Variants in PTBP3 observed in about 807,000 individuals in gnomAD.
PTBP3 encodes polypyrimidine tract-binding protein 3.
A neutral mutation model predicts 58.7 loss-of-function variants in PTBP3; 20 were observed. That is an observed-to-expected ratio of 0.34 (90% CI 0.24 to 0.50). The LOEUF (loss-of-function observed/expected upper bound fraction) is 0.50. Among genes scored for constraint, PTBP3 ranks in the 20% least tolerant of loss-of-function variants. The pLI, the probability that PTBP3 is intolerant of heterozygous loss-of-function variation, is 0.98. For missense variants in PTBP3, 509 were observed against 637.2 expected (o/e 0.80, Z 2.17); for synonymous variants, 185 against 219.8 (o/e 0.84, Z 1.40).
rs1293298603 is a variant in PTBP3, at chr9:112,220,731, AAT to A, written c.*3118_*3119del. The stretch of plus-strand genomic sequence containing the variant: ...ACAAAACACATTTTACTGCTATGCA[AAT>A]TATTCAAATCTCAAAGTAAATCATT... On this transcript the variant is annotated 3_prime_UTR_variant, in exon 14 of 14. Coordinates refer to ENST00000374257, the MANE Select transcript of PTBP3 (RefSeq NM_001163788.4). 3.3e-5 allele frequency: 32 copies of A among 983,544 alleles called. No homozygotes were observed. Among genetic ancestry groups the A allele is most frequent in the Non-Finnish European group, 3.9e-5 (32 of 828,202 alleles). The allele number at this position is 983,544 out of a possible 1,614,324, so 60.9% of individuals were successfully genotyped here.
the PTBP3 span, among the ~76,000 whole-genome samples, chr9:112,358,246 G>A: frequency 6.6e-6 from 1 of 152,136 alleles, no homozygotes; most frequent in African/African-American, 2.4e-5. Flanking sequence ...GGAGGCAGAG[G>A]TTGCAGTGAG....
chr9:112,234,400 G>A (rs148268997), intron 8 of PTBP3, among the ~76,000 whole-genome samples: 70 of 152,310 alleles, frequency 4.6e-4, no homozygotes, highest in Non-Finnish European at 8.4e-4. Flanking sequence ...TAGTATGACT[G>A]CATATTATTT....
At chr9:112,241,359 C>A (rs1257963101) in intron 7 of PTBP3, among the ~76,000 whole-genome samples, 3 of 152,204 alleles carry the variant, frequency 2.0e-5, no homozygotes, top group Non-Finnish European at 4.4e-5. Context: ...CTGCCTTGGC[C>A]TCCCAAAGTG....
intron 2 of PTBP3, among the ~76,000 whole-genome samples, chr9:112,287,830 A>G (rs1016046604): frequency 1.3e-5 from 2 of 152,114 alleles, no homozygotes; most frequent in African/African-American, 4.8e-5. Context: ...AAATACTTGA[A>G]CATACTTTTA....
intron 9 of PTBP3, 39 bp from the exon 10 acceptor site, chr9:112,231,452 A>G (rs1339120360): frequency 6.6e-7 from 1 of 1,512,684 alleles, no homozygotes; most frequent in Non-Finnish European, 9.0e-7. Flanking sequence ...CTGACAATTT[A>G]AGTAAAAATT....
intron 1 of PTBP3, among the ~76,000 whole-genome samples, chr9:112,319,553 G>C (rs1164764610): frequency 6.6e-6 from 1 of 152,136 alleles, no homozygotes; most frequent in Non-Finnish European, 1.5e-5. Flanking sequence ...AGGAAAAAAA[G>C]AAACCCTTGT....
At chr9:112,376,216 T>C in the PTBP3 span, among the ~76,000 whole-genome samples, 1 of 142,658 alleles carries the variant, frequency 7.0e-6, no homozygotes, top group African/African-American at 2.6e-5. Context: ...TGTGTGTGTG[T>C]GTGTGTGTGT....
chr9:112,219,633 AT>A lies in PTBP3; in HGVS notation c.*4217del, dbSNP rs1441157705. 3 of 152,690 alleles carry A rather than the reference AT, an allele frequency of 2.0e-5. No individual in the cohort carries two copies. The highest frequency in any genetic ancestry group is 4.4e-5 in the Non-Finnish European group (3 of 68,044). The allele number at this position is 152,690 out of a possible 1,614,324, so 9.5% of individuals were successfully genotyped here. On this transcript the variant is annotated 3_prime_UTR_variant, in exon 14 of 14. Transcript: ENST00000374257. ...AAGGCAAAAGTGTAACTGAGACTTTATTTATAGTTACAATTCTTTGCTTGGA... is the reference window on the plus strand; with the variant it reads ...AAGGCAAAAGTGTAACTGAGACTTTATTATAGTTACAATTCTTTGCTTGGA...
At chr9:112,352,507 T>A in the PTBP3 span, among the ~76,000 whole-genome samples, 1 of 152,172 alleles carries the variant, frequency 6.6e-6, no homozygotes, top group East Asian at 1.9e-4. Context: ...TGAAAATAAA[T>A]AAAAATGCAA....
intron 3 of PTBP3, among the ~76,000 whole-genome samples, chr9:112,269,718 G>A (rs1827286916): frequency 6.6e-6 from 1 of 152,092 alleles, no homozygotes; most frequent in Non-Finnish European, 1.5e-5. Flanking sequence ...TGGACTGTAT[G>A]GGATTTTTCA....
chr9:112,307,846 C>G (rs919030422), intron 1 of PTBP3, among the ~76,000 whole-genome samples: 9 of 152,214 alleles, frequency 5.9e-5, no homozygotes, highest in Admixed American at 1.3e-4. Context: ...TTAAACCAAC[C>G]TTGTCCAACA....
the PTBP3 span, among the ~76,000 whole-genome samples, chr9:112,355,990 TTCTC>T: frequency 2.0e-5 from 3 of 151,246 alleles, no homozygotes; most frequent in East Asian, 2.0e-4. Context: ...CCTTCTTTCT[TTCTC>T]TTTCTTTTCT....
chr9:112,325,877 G>A (rs146835470), intron 1 of PTBP3, among the ~76,000 whole-genome samples: 101 of 152,180 alleles, frequency 6.6e-4, no homozygotes, highest in Non-Finnish European at 9.3e-4. Context: ...AATTAGCCCG[G>A]AGCGGTGGAG....
the PTBP3 span, among the ~76,000 whole-genome samples, chr9:112,373,074 C>T: frequency 0.01 from 1,586 of 151,686 alleles, 65 homozygotes; most frequent in East Asian, 0.081. Context: ...TTTTTTGTAT[C>T]TTTAGTAGAG....
In PTBP3 at chr9:112,223,397, T is replaced by C; in HGVS notation, c.*454A>G. ...TAATTTCCTACAAGGGTCAGACTTC[T>C]GATTCATAAGGTTAATAACTTGGTC... On this transcript the variant is annotated 3_prime_UTR_variant, in exon 14 of 14. Transcript: ENST00000374257. 1 of 942,310 alleles carries C rather than the reference T, an allele frequency of 1.1e-6. No individual in the cohort carries two copies. The highest frequency in any genetic ancestry group is 1.3e-6 in the Non-Finnish European group (1 of 789,458). 58.4% of individuals were successfully genotyped at this position (942,310 alleles called of 1,614,324 possible). A position where few individuals can be genotyped will look rare whatever the true frequency, so the allele number is the denominator to read the frequency against.
At chr9:112,327,958 C>G (rs1181075883) in intron 1 of PTBP3, among the ~76,000 whole-genome samples, 1 of 152,136 alleles carries the variant, frequency 6.6e-6, no homozygotes, top group Non-Finnish European at 1.5e-5. Flanking sequence ...AAGAAAATAG[C>G]AAAAATCCCT....
chr9:112,236,620 C>T (rs947332990), intron 7 of PTBP3, among the ~76,000 whole-genome samples: 2 of 152,054 alleles, frequency 1.3e-5, no homozygotes, highest in Non-Finnish European at 2.9e-5. Context: ...TTCACTTGCC[C>T]CCTTCTATAT....
At chr9:112,379,060 A>C in the PTBP3 span, among the ~76,000 whole-genome samples, 1 of 152,190 alleles carries the variant, frequency 6.6e-6, no homozygotes, top group South Asian at 2.1e-4. Flanking sequence ...GTGGTGATGC[A>C]TGCCTGTAGT....
chr9:112,250,938 C>T lies in PTBP3; in HGVS notation c.793G>A (p.Ala265Thr). The part of the protein sequence containing the change: ...GQPSLEPPMA[A>T]AFGAPGIISS... ...AAAAAGAACTACTCACCAAAAGCAG[C>T]AGCCATAGGGGGTTCAAGGGATGGC... is the stretch of plus-strand genomic sequence containing the variant. The change falls in exon 7 of 14, where the codon GCT (alanine) becomes ACT (threonine). Residue 265 changes from alanine (A) to threonine (T), a missense_variant. Ala to Thr is a moderately conservative substitution (Grantham distance 58). This residue lies in a region of PTBP3 where 121 missense variants were observed against 114.8 expected (regional missense o/e 1.05). Coordinates refer to ENST00000374257, the MANE Select transcript of PTBP3 (RefSeq NM_001163788.4). The T allele has an allele frequency of 3.2e-6, 5 of 1,551,708 alleles. No homozygotes were observed. The highest frequency in any genetic ancestry group is 1.4e-5 in the African/African-American group (1 of 71,782).
Sources: allele counts gnomAD v4.1 joint callset (sites outside exome capture counted in the v4.1 genomes callset), GRCh38; gene constraint gnomAD v4.1.1; regional missense constraint gnomAD v4.1.1; transcripts MANE v1.5; gene names NCBI Gene and HGNC (gene_info 2026-07-23, HGNC 2026-07-21).